The following CTCFL variants were observed in gnomAD, a reference collection of about 807,000 sequenced individuals.
CTCFL encodes the protein transcriptional repressor CTCFL.
A neutral mutation model predicts 67.4 loss-of-function variants in CTCFL; 36 were observed. That is an observed-to-expected ratio of 0.53 (90% confidence interval 0.41 to 0.71). The LOEUF (loss-of-function observed/expected upper bound fraction) is 0.71, where lower values mean the gene tolerates loss of function less well. Ranked by LOEUF, CTCFL falls within the 30% of genes least tolerant of loss-of-function variation. The pLI, the probability that CTCFL is intolerant of heterozygous loss-of-function variation, is 0.00. For synonymous variants in CTCFL, 324 were observed against 302.3 expected (o/e 1.07, Z -0.75); for missense variants, 786 against 835.2 (o/e 0.94, Z 0.73).
intron 10 of CTCFL, among the ~76,000 whole-genome samples, chr20:57,501,988 C>G (rs1021457297): frequency 2.0e-5 from 3 of 152,234 alleles, no homozygotes; most frequent in Admixed American, 6.5e-5. Flanking sequence ...AAGGGACTTG[C>G]ATGAGCTCAG....
At chr20:57,510,405 T>A (rs73176798) in intron 8 of CTCFL, among the ~76,000 whole-genome samples, 4,264 of 152,348 alleles carry the variant, frequency 0.028, 103 homozygotes, top group Non-Finnish European at 0.047. Context: ...TGTAAAATTA[T>A]CTATTTTTCA....
At chr20:57,514,431 C>T (rs2068767664) in intron 7 of CTCFL, among the ~76,000 whole-genome samples, 161 bp downstream of exon 7, 1 of 152,232 alleles carries the variant, frequency 6.6e-6, no homozygotes, top group African/African-American at 2.4e-5. Flanking sequence ...ATGCAGCCAC[C>T]AGATGGTGCG....
intron 2 of CTCFL, 98 bp from the exon 3 acceptor site, chr20:57,523,376 T>G: frequency 1.7e-6 from 2 of 1,152,122 alleles, no homozygotes; most frequent in Non-Finnish European, 2.5e-6. Flanking sequence ...AAAGCCAAAG[T>G]GGAAGATTAT....
downstream of CTCFL, chr20:57,496,245 T>G (rs767702069): frequency 6.1e-6 from 4 of 661,126 alleles, no homozygotes; most frequent in South Asian, 6.8e-5. Flanking sequence ...CTCTCGCTCC[T>G]GCTTTCACCA....
intron 9 of CTCFL, chr20:57,506,999 C>A (rs2068241400): frequency 1.0e-6 from 1 of 984,842 alleles, no homozygotes; most frequent in Admixed American, 6.1e-5. Flanking sequence ...TAGTCAACTT[C>A]AGGAAATTCA....
chr20:57,514,185 G>A (rs1439218813), intron 7 of CTCFL, among the ~76,000 whole-genome samples: 1 of 152,170 alleles, frequency 6.6e-6, no homozygotes, highest in Non-Finnish European at 1.5e-5. Flanking sequence ...AGCTTGCTGG[G>A]TGCCATAGAT....
intron 10 of CTCFL, among the ~76,000 whole-genome samples, chr20:57,498,959 T>C (rs952270141): frequency 2.0e-5 from 3 of 151,318 alleles, no homozygotes; most frequent in Admixed American, 6.6e-5. Flanking sequence ...CTGGGCACTG[T>C]AGGATGTTAG....
chr20:57,506,993 C>A (rs2068240811), intron 9 of CTCFL: 1 of 984,480 alleles, frequency 1.0e-6, no homozygotes, highest in Admixed American at 6.1e-5. Flanking sequence ...AAAAAATAGT[C>A]AACTTCAGGA....
downstream of CTCFL, chr20:57,496,382 CTCT>C: frequency 3.5e-6 from 2 of 576,206 alleles, no homozygotes; most frequent in East Asian, 5.9e-5. Context: ...TCAATTAAAA[CTCT>C]TTTCTTTATA....
upstream of CTCFL, chr20:57,525,335 G>A (rs559257273): frequency 2.3e-5 from 3 of 129,692 alleles, no homozygotes; most frequent in East Asian, 7.3e-4. Context: ...AGGAGGGGAG[G>A]AGGGTCCCAT....
intron 3 of CTCFL, 147 bp from the exon 4 acceptor site, chr20:57,519,524 T>C: frequency 1.4e-6 from 1 of 700,048 alleles, no homozygotes; most frequent in Non-Finnish European, 2.4e-6. Context: ...ATCGAAGCAA[T>C]TCAGGACACC....
chr20:57,515,859 G>C (rs531529402), intron 5 of CTCFL, 25 bp from the exon 6 acceptor site: 5 of 1,587,900 alleles, frequency 3.1e-6, no homozygotes, highest in Non-Finnish European at 4.3e-6. Context: ...AATGATGTTC[G>C]TTGCAATAGA....
intron 6 of CTCFL, 91 bp downstream of exon 6, chr20:57,515,623 A>C (rs2068859579): frequency 6.5e-7 from 1 of 1,541,138 alleles, no homozygotes; most frequent in African/African-American, 1.4e-5. Context: ...TTACCTTTGA[A>C]CTTTAATTGT....
intron 7 of CTCFL, among the ~76,000 whole-genome samples, chr20:57,514,250 C>G (rs551364788): frequency 1.3e-5 from 2 of 152,294 alleles, no homozygotes; most frequent in South Asian, 4.1e-4. Context: ...ACCCTTGGTT[C>G]GTATGACTCC....
chr20:57,524,669 G>A (rs2069720046), intron 1 of CTCFL: 5 of 1,004,340 alleles, frequency 5.0e-6, no homozygotes, highest in Admixed American at 5.1e-5. Context: ...AGCAGGCCCC[G>A]GGCCAGTGCA....
chr20:57,521,374 C>T (rs1399266219), intron 3 of CTCFL, among the ~76,000 whole-genome samples: 1 of 152,208 alleles, frequency 6.6e-6, no homozygotes, highest in Admixed American at 6.5e-5. Context: ...CCTCTTCACA[C>T]CTGCTAGGAT....
rs1213319205 is a variant in CTCFL at position 57,523,392 on chromosome 20, A to C, written c.544-114T>G. On this transcript the variant is annotated intron_variant, in intron 2 of 10. Transcript: ENST00000243914. Reference sequence around the variant, plus strand: ...AAGCCAAAGTGGAAGATTATGCATCACAATGTTAATTATTTCGCATCAGGG... The same window carrying C: ...AAGCCAAAGTGGAAGATTATGCATCCCAATGTTAATTATTTCGCATCAGGG... The C allele has an allele frequency of 2.8e-6, 3 of 1,079,860 alleles. No individual in the cohort carries two copies. The East Asian group carries it at 7.4e-5, about 27-fold the overall frequency. The allele number at this position is 1,079,860 out of a possible 1,614,324, so 66.9% of individuals were successfully genotyped here. A position where few individuals can be genotyped will look rare whatever the true frequency, so the allele number is the denominator to read the frequency against.
At chr20:57,518,496 T>G in intron 5 of CTCFL, 1 of 1,398,664 alleles carries the variant, frequency 7.1e-7, no homozygotes, top group Non-Finnish European at 9.3e-7. Context: ...ATCTGGGACT[T>G]ATTTCTTGAC....
intron 1 of CTCFL, 176 bp downstream of exon 1, chr20:57,524,852 G>T: frequency 1.3e-6 from 1 of 747,248 alleles, no homozygotes; most frequent in Non-Finnish European, 1.6e-6. Context: ...GCCTGGCAGG[G>T]CCCCTGCTTT....
Sources: gnomAD v4.1 joint callset for allele counts (sites outside exome capture counted in the v4.1 genomes callset) on GRCh38, gnomAD v4.1.1 for gene constraint, MANE v1.5 for transcripts, NCBI Gene and HGNC (gene_info 2026-07-23, HGNC 2026-07-21) for gene names.